Variants in TTLL5 observed in about 807,000 individuals in gnomAD.
TTLL5 encodes tubulin tyrosine ligase like 5.
TTLL5 carries 132 observed loss-of-function variants against 168.4 expected under a neutral mutation model. The ratio of observed to expected loss-of-function variants is 0.78; its 90% confidence interval spans 0.68 to 0.91. The LOEUF (loss-of-function observed/expected upper bound fraction) is 0.91, where lower values mean the gene tolerates loss of function less well. Ranked by LOEUF, TTLL5 falls within the 40% of genes least tolerant of loss-of-function variation. The pLI is 0.00. For missense variants in TTLL5, 1,545 were observed against 1,581.5 expected (o/e 0.98, Z 0.39); for synonymous variants, 546 against 558.6 (o/e 0.98, Z 0.32).
rs761068583 is a variant in TTLL5, at chr14:75,681,571, G to T, written c.208G>T (p.Val70Leu). Residue 70 changes from valine (V) to leucine (L), a missense_variant, in exon 4 of 32, where the codon GTA (valine) becomes TTA (leucine). Val to Leu is a conservative substitution (Grantham distance 32, BLOSUM62 1). Coordinates refer to ENST00000298832, the MANE Select transcript of TTLL5 (RefSeq NM_015072.5). ...ACGTTATCATTTGTCTTATAAGATT[G>T]TACGAACGGACAGTCGCCTAGTACG... ...GERYHLSYKIVRTDSRLVRSI... is the reference protein window; with the variant it reads ...GERYHLSYKILRTDSRLVRSI... 83 of 1,613,242 alleles carry T rather than the reference G, an allele frequency of 5.1e-5. No homozygotes were observed. Among genetic ancestry groups the T allele is most frequent in the Admixed American group, 3.2e-4 (19 of 59,988 alleles).
chr14:75,809,711 C>T (rs1312771171), intron 27 of TTLL5, among the ~76,000 whole-genome samples: 3 of 152,046 alleles, frequency 2.0e-5, no homozygotes, highest in Non-Finnish European at 4.4e-5. Context: ...ATCAATATCT[C>T]TTCTCCTTCC....
chr14:75,862,737 T>C (rs928680223), intron 28 of TTLL5, among the ~76,000 whole-genome samples: 3 of 151,896 alleles, frequency 2.0e-5, no homozygotes, highest in African/African-American at 7.3e-5. Flanking sequence ...GCCCAGGAGT[T>C]TGAGACCAGT....
Position 75,709,634 on chromosome 14 carries a change from G to C in TTLL5, c.740+1927G>C, listed in dbSNP as rs1270911293. On this transcript the variant is annotated intron_variant, in intron 9 of 31. Transcript: ENST00000298832. Reference sequence around the variant, plus strand: ...AGGTTTTTATAGGAAAGAAATTGTCGATAATATTTGTAGACACACGTGCTC... The same window carrying C: ...AGGTTTTTATAGGAAAGAAATTGTCCATAATATTTGTAGACACACGTGCTC... The C allele has an allele frequency of 2.4e-5, 4 of 166,684 alleles. No homozygotes were observed. In the East Asian group the frequency reaches 6.7e-4, roughly 28 times the overall value. The allele number at this position is 166,684 out of a possible 1,614,324, so 10.3% of individuals were successfully genotyped here.
At chr14:75,666,790 G>C (rs1413503980) in intron 2 of TTLL5, among the ~76,000 whole-genome samples, 2 of 152,190 alleles carry the variant, frequency 1.3e-5, no homozygotes, top group Non-Finnish European at 2.9e-5. Flanking sequence ...TGGGTCCCAG[G>C]AGTGAATGAT....
intron 31 of TTLL5, among the ~76,000 whole-genome samples, chr14:75,951,442 A>T (rs2034957925): frequency 6.6e-6 from 1 of 152,146 alleles, no homozygotes; most frequent in Non-Finnish European, 1.5e-5. Flanking sequence ...CACTTATCTT[A>T]ATAAATTACA....
chr14:75,941,358 G>A (rs142354982), intron 31 of TTLL5: 39 of 152,200 alleles, frequency 2.6e-4, no homozygotes, highest in African/African-American at 8.9e-4. Context: ...CCAGCTGTCC[G>A]TTTCTACTAA....
At position 75,882,739 on chromosome 14, in the gene TTLL5, G is replaced by GGTGCA. The variant is rs760158148; in HGVS notation, c.3579_3583dup (p.Gly1195ValfsTer63). ...CTCCAATTTATGGACAATGAATAAT[G>GGTGCA]GTGCAGGTTGTAGAATTTCCAGTGC... On this transcript the variant is annotated frameshift_variant, in exon 30 of 32. Transcript: ENST00000298832. LOFTEE classifies it high-confidence loss of function. The GGTGCA allele has an allele frequency of 8.7e-6, 14 of 1,613,812 alleles. No individual in the cohort carries two copies. In the South Asian group the frequency reaches 1.4e-4, roughly 16 times the overall value.
At chr14:75,757,137 C>T (rs1890319550) in intron 18 of TTLL5, among the ~76,000 whole-genome samples, 1 of 152,104 alleles carries the variant, frequency 6.6e-6, no homozygotes, top group African/African-American at 2.4e-5. Flanking sequence ...GCCACCACGC[C>T]TGGCTGATTT....
intron 3 of TTLL5, among the ~76,000 whole-genome samples, chr14:75,676,958 A>G (rs1441949486): frequency 6.6e-6 from 1 of 151,866 alleles, no homozygotes; most frequent in Non-Finnish European, 1.5e-5. Context: ...ATTTTTGTAG[A>G]GACAGGGTCT....
intron 28 of TTLL5, among the ~76,000 whole-genome samples, chr14:75,828,667 T>C (rs1333513276): frequency 6.6e-6 from 1 of 152,194 alleles, no homozygotes; most frequent in African/African-American, 2.4e-5. Flanking sequence ...CTTTTGAAAC[T>C]GGGTTGCACC....
In TTLL5 at chr14:75,925,675, G is replaced by A. The variant is rs1033806211; in HGVS notation, c.3823+23451G>A. 7.2e-5 allele frequency among the ~76,000 whole-genome samples: 11 copies of A among 152,124 alleles called. No individual in the cohort carries two copies. In the East Asian group the frequency reaches 7.7e-4, roughly 11 times the overall value. Reference sequence around the variant, plus strand: ...GGGGCCCGGCAGAGGCTGCAATCTCGGCACTTTGGGAGGCCAAGGCAGGCG... The same window carrying A: ...GGGGCCCGGCAGAGGCTGCAATCTCAGCACTTTGGGAGGCCAAGGCAGGCG... On this transcript the variant is annotated intron_variant, in intron 31 of 31. Coordinates refer to ENST00000298832, the MANE Select transcript of TTLL5 (RefSeq NM_015072.5).
intron 31 of TTLL5, among the ~76,000 whole-genome samples, chr14:75,926,156 C>CTTTTTTTTTTTTTTTT (rs34048806): frequency 3.3e-5 from 1 of 29,960 alleles, no homozygotes; most frequent in African/African-American, 1.9e-4. Flanking sequence ...GCAACCCCAG[C>CTTTTTTTTTTTTTTTT]TTTTTTTTTT....
At position 75,869,821 on chromosome 14, in the gene TTLL5, A is replaced by ATTTTT. The variant is rs10658095; in HGVS notation, c.3522+5971_3522+5975dup. The stretch of plus-strand genomic sequence containing the variant: ...CTTGCAATGTATACATTCAACAAGT[A>ATTTTT]TTTTTTTTTTTTTTTTGCGATGGAG... On this transcript the variant is annotated intron_variant, in intron 29 of 31. Coordinates refer to ENST00000298832, the MANE Select transcript of TTLL5 (RefSeq NM_015072.5). 4.9e-5 allele frequency among the ~76,000 whole-genome samples: 4 copies of ATTTTT among 82,424 alleles called. No homozygotes were observed. The East Asian group carries it at 1.3e-3, about 27-fold the overall frequency. 54.1% of individuals were successfully genotyped at this position (82,424 alleles called of 152,430 possible).
At chr14:75,874,162 G>C (rs1250967899) in intron 29 of TTLL5, among the ~76,000 whole-genome samples, 1 of 151,956 alleles carries the variant, frequency 6.6e-6, no homozygotes, top group Non-Finnish European at 1.5e-5. Flanking sequence ...CTCGATCTGG[G>C]CTCACTGCAA....
At chr14:75,908,598 C>G (rs923987923) in intron 31 of TTLL5, among the ~76,000 whole-genome samples, 1 of 152,154 alleles carries the variant, frequency 6.6e-6, no homozygotes, top group Non-Finnish European at 1.5e-5. Context: ...TTGTCCTTAT[C>G]AGAGTGGAGG....
rs144505213 is a variant in TTLL5, at chr14:75,948,258, G to A, written c.3824-6166G>A. On this transcript the variant is annotated intron_variant, in intron 31 of 31. Coordinates refer to ENST00000298832, the MANE Select transcript of TTLL5 (RefSeq NM_015072.5). ...CCTGCGCTTTGGGAGGCCAAGACGG[G>A]TGGATCACCTGAGGTCAGGAGTTCG... Among the ~76,000 whole-genome samples, 896 of 152,260 alleles carry A rather than the reference G, an allele frequency of 5.9e-3. 9 individuals carry two copies. The highest frequency in any genetic ancestry group is 0.02 in the African/African-American group (832 of 41,552).
At chr14:75,772,950 A>G (rs1216306356) in intron 21 of TTLL5, among the ~76,000 whole-genome samples, 5 of 152,152 alleles carry the variant, frequency 3.3e-5, no homozygotes, top group Non-Finnish European at 2.9e-5. Context: ...TATAGGTATG[A>G]GCCAGCGCGC....
intron 28 of TTLL5, among the ~76,000 whole-genome samples, chr14:75,860,273 C>G (rs1339208759): frequency 2.0e-5 from 3 of 152,180 alleles, no homozygotes; most frequent in Non-Finnish European, 2.9e-5. Context: ...TGTCCATGAT[C>G]ATCCCCACAT....
intron 31 of TTLL5, among the ~76,000 whole-genome samples, chr14:75,946,357 A>G (rs2034772061): frequency 6.6e-6 from 1 of 152,260 alleles, no homozygotes; most frequent in South Asian, 2.1e-4. Context: ...TGTTAAATGA[A>G]TAAAGTATTT....
Sources: gnomAD v4.1 joint callset for allele counts (sites outside exome capture counted in the v4.1 genomes callset) on GRCh38, gnomAD v4.1.1 for gene constraint, MANE v1.5 for transcripts, NCBI Gene and HGNC (gene_info 2026-07-23, HGNC 2026-07-21) for gene names.